Variants in TMEFF1 observed in about 807,000 individuals in gnomAD.
The protein encoded by TMEFF1 is transmembrane protein with EGF like and two follistatin like domains 1.
In TMEFF1, 20 loss-of-function variants were observed where a neutral mutation model predicts 47.5. The observed-to-expected ratio is 0.42, with a 90% CI of 0.30 to 0.61. TMEFF1 has a LOEUF of 0.61. Ranked by LOEUF, TMEFF1 falls within the 20% of genes least tolerant of loss-of-function variation. The pLI, the probability that TMEFF1 is intolerant of heterozygous loss-of-function variation, is 0.19. For synonymous variants in TMEFF1, 162 were observed against 166.3 expected (o/e 0.97, Z 0.20); for missense variants, 411 against 471.1 (o/e 0.87, Z 1.18).
In TMEFF1 at chr9:100,486,533, C is replaced by A. The variant is rs138622759; in HGVS notation, c.197-12232C>A. On this transcript the variant is annotated intron_variant, in intron 1 of 9. Coordinates refer to ENST00000374879, the MANE Select transcript of TMEFF1 (RefSeq NM_003692.5). ...TTGGGATTACAGGCGTGAGCCACAGCACCCGGCCTGAACTTTTAAAAAAAT... is the reference window on the plus strand; with the variant it reads ...TTGGGATTACAGGCGTGAGCCACAGAACCCGGCCTGAACTTTTAAAAAAAT... 2.4e-3 allele frequency among the ~76,000 whole-genome samples: 360 copies of A among 152,334 alleles called. 2 individuals are homozygous for A. Among genetic ancestry groups the A allele is most frequent in the African/African-American group, 8.1e-3 (338 of 41,582 alleles).
chr9:100,565,625 A>G (rs1333058935), intron 8 of TMEFF1, among the ~76,000 whole-genome samples: 1 of 152,098 alleles, frequency 6.6e-6, no homozygotes, highest in Non-Finnish European at 1.5e-5. Context: ...TCAGATTAGC[A>G]GTACCTCCTC....
At chr9:100,549,604 C>T (rs528627465) in intron 6 of TMEFF1, among the ~76,000 whole-genome samples, 18 of 152,162 alleles carry the variant, frequency 1.2e-4, no homozygotes, top group African/African-American at 1.7e-4. Context: ...CTTCTAAACA[C>T]GTGGTTATGG....
chr9:100,473,656 C>A lies in TMEFF1; in HGVS notation c.112C>A (p.Arg38Ser). ...LLFAFSLPGSRASNQPPGGGG... is the reference protein window; with the variant it reads ...LLFAFSLPGSSASNQPPGGGG... ...CTTCGCCTTCTCTCTGCCCGGGAGC[C>A]GCGCGTCCAACCAGCCCCCGGGTGG... The change falls in exon 1 of 10, where the codon CGC (arginine) becomes AGC (serine). Residue 38 changes from arginine to serine, a missense_variant. Transcript: ENST00000374879. This position sits in a 1 kb window ranked among gnomAD's most constrained non-coding sequence, Gnocchi z 5.4. 6.5e-7 allele frequency: 1 copy of A among 1,548,472 alleles called. No individual in the cohort carries two copies. The highest frequency in any genetic ancestry group is 8.7e-7 in the Non-Finnish European group (1 of 1,146,802).
chr9:100,527,250 A>C (rs1036248707), intron 5 of TMEFF1, among the ~76,000 whole-genome samples: 1 of 152,222 alleles, frequency 6.6e-6, no homozygotes. Flanking sequence ...AAGATGGCCG[A>C]ATAGGAACAG....
chr9:100,494,155 C>T (rs923480256), intron 1 of TMEFF1, among the ~76,000 whole-genome samples: 2 of 148,284 alleles, frequency 1.3e-5, no homozygotes, highest in Non-Finnish European at 3.0e-5. Context: ...TGCAGTGAGC[C>T]GTGTTCACAC....
At position 100,473,426 on chromosome 9, in the gene TMEFF1, C is replaced by A; in HGVS notation, c.-119C>A. On this transcript the variant is annotated 5_prime_UTR_variant, in exon 1 of 10. Coordinates refer to ENST00000374879, the MANE Select transcript of TMEFF1 (RefSeq NM_003692.5). This position sits in a 1 kb window ranked among gnomAD's most constrained non-coding sequence, Gnocchi z 5.4. The stretch of plus-strand genomic sequence containing the variant: ...GGGGCGGGGATGCTGACGGGCTGCT[C>A]CCCGGCTCAGCGGCGCGGCTGCTAG... 1 of 767,898 alleles carries A rather than the reference C, an allele frequency of 1.3e-6. No homozygotes were observed. The highest frequency in any genetic ancestry group is 1.7e-6 in the Non-Finnish European group (1 of 572,304). The allele number at this position is 767,898 out of a possible 1,614,324, so 47.6% of individuals were successfully genotyped here. A position where few individuals can be genotyped will look rare whatever the true frequency, so the allele number is the denominator to read the frequency against.
At chr9:100,509,406 A>G (rs1030942742) in intron 3 of TMEFF1, among the ~76,000 whole-genome samples, 9 of 152,160 alleles carry the variant, frequency 5.9e-5, no homozygotes, top group Non-Finnish European at 1.3e-4. Context: ...CCTTTGCCTT[A>G]TGATTTGAAC....
At chr9:100,532,575 A>C (rs185028678) in intron 5 of TMEFF1, among the ~76,000 whole-genome samples, 2,521 of 152,094 alleles carry the variant, frequency 0.017, 50 homozygotes, top group Non-Finnish European at 0.021. Context: ...GATCATTAAA[A>C]AGTCAGGAAA....
At chr9:100,545,948 C>A (rs1185265502) in intron 5 of TMEFF1, among the ~76,000 whole-genome samples, 1 of 152,168 alleles carries the variant, frequency 6.6e-6, no homozygotes, top group Non-Finnish European at 1.5e-5. Flanking sequence ...TCACCTCAGC[C>A]TGGACTTTAT....
At chr9:100,550,431 A>G (rs938534239) in intron 7 of TMEFF1, among the ~76,000 whole-genome samples, 3 of 152,152 alleles carry the variant, frequency 2.0e-5, no homozygotes, top group African/African-American at 7.2e-5. Context: ...ATACAGAAAG[A>G]TCTCTCAATA....
intron 7 of TMEFF1, among the ~76,000 whole-genome samples, chr9:100,557,851 C>T (rs984643429): frequency 1.9e-4 from 28 of 148,004 alleles, no homozygotes; most frequent in Non-Finnish European, 8.9e-5. Context: ...TTTTTAATAT[C>T]CTCTGTAGCT....
chr9:100,541,961 A>G (rs937450260), intron 5 of TMEFF1, among the ~76,000 whole-genome samples: 11 of 152,152 alleles, frequency 7.2e-5, no homozygotes, highest in African/African-American at 2.2e-4. Context: ...TACAAGCAAC[A>G]TATAGCTGGC....
At chr9:100,483,500 A>AAAACCAAC (rs146110004) in intron 1 of TMEFF1, among the ~76,000 whole-genome samples, 6 of 150,492 alleles carry the variant, frequency 4.0e-5, no homozygotes, top group Non-Finnish European at 7.4e-5. Flanking sequence ...AACATCTCAA[A>AAAACCAAC]AAACAAACAA....
intron 5 of TMEFF1, among the ~76,000 whole-genome samples, chr9:100,532,000 C>T (rs1838391429): frequency 6.6e-6 from 1 of 151,044 alleles, no homozygotes; most frequent in Non-Finnish European, 1.5e-5. Flanking sequence ...AAAGGATTCC[C>T]TATTTAATAA....
chr9:100,477,620 C>A (rs1465049828), intron 1 of TMEFF1, among the ~76,000 whole-genome samples: 2 of 106,758 alleles, frequency 1.9e-5, no homozygotes, highest in East Asian at 5.8e-4. Flanking sequence ...TGCATTCCGC[C>A]TTTTTTTTTT....
At chr9:100,527,075 G>A (rs539101990) in intron 5 of TMEFF1, among the ~76,000 whole-genome samples, 436 of 151,688 alleles carry the variant, frequency 2.9e-3, no homozygotes, top group Non-Finnish European at 5.3e-3. Context: ...CCCGAGAGGC[G>A]GAGGTTGCAG....
intron 8 of TMEFF1, among the ~76,000 whole-genome samples, chr9:100,569,321 T>C (rs1227593397): frequency 2.6e-5 from 4 of 152,252 alleles, no homozygotes; most frequent in Non-Finnish European, 4.4e-5. Context: ...CATCTTTTCA[T>C]GTGCTTATTG....
chr9:100,544,104 A>T (rs990226009), intron 5 of TMEFF1, among the ~76,000 whole-genome samples: 4 of 151,822 alleles, frequency 2.6e-5, no homozygotes, highest in African/African-American at 9.7e-5. Context: ...ATATATATAT[A>T]TAACTTTTTT....
At chr9:100,481,015 A>G (rs902608360) in intron 1 of TMEFF1, among the ~76,000 whole-genome samples, 3 of 152,164 alleles carry the variant, frequency 2.0e-5, no homozygotes, top group African/African-American at 7.2e-5. Context: ...CAACAGACGC[A>G]CTTTTGCCTG....
Sources: allele counts gnomAD v4.1 joint callset (sites outside exome capture counted in the v4.1 genomes callset), GRCh38; gene constraint gnomAD v4.1.1; non-coding constraint Gnocchi (gnomAD v3.1); transcripts MANE v1.5; gene names NCBI Gene and HGNC (gene_info 2026-07-23, HGNC 2026-07-21).